Variants in MAP3K3 observed in about 807,000 individuals in gnomAD.
MAP3K3 encodes the protein mitogen-activated protein kinase kinase kinase 3.
Under a neutral mutation model 80.9 loss-of-function variants are expected in MAP3K3, and 12 were observed. The ratio of observed to expected loss-of-function variants is 0.15; its 90% CI spans 0.10 to 0.24. The LOEUF is 0.24. Ranked by LOEUF, MAP3K3 falls within the 10% of genes least tolerant of loss-of-function variation. The probability of loss-of-function intolerance (pLI) is 1.00; values close to 1 mark genes in which losing one functional copy is unlikely to be tolerated. For missense variants in MAP3K3, 596 were observed against 834.7 expected (o/e 0.71, Z 3.52); for synonymous variants, 272 against 307.1 (o/e 0.89, Z 1.19).
chr17:63,662,013 G>C (rs1450368221), intron 5 of MAP3K3, among the ~76,000 whole-genome samples: 1 of 152,076 alleles, frequency 6.6e-6, no homozygotes, highest in Non-Finnish European at 1.5e-5. Context: ...TGAGGCAGGA[G>C]AATGACATGA....
intron 4 of MAP3K3, among the ~76,000 whole-genome samples, chr17:63,653,199 A>G (rs2034695026): frequency 6.6e-6 from 1 of 152,100 alleles, no homozygotes; most frequent in South Asian, 2.1e-4. Context: ...ATTTACTTCT[A>G]CTTTGAATAT....
chr17:63,657,921 G>C lies in MAP3K3; in HGVS notation c.381+14G>C. 7.1e-7 allele frequency: 1 copy of C among 1,405,362 alleles called. No homozygotes were observed. The highest frequency in any genetic ancestry group is 1.0e-6 in the Non-Finnish European group (1 of 1,003,896). The allele number at this position is 1,405,362 out of a possible 1,614,324, so 87.1% of individuals were successfully genotyped here. ...GACAGAAACCATGTAAGTAGCCCTT[G>C]TCATGGTCTGGCAGCTGAAGACAAA... On this transcript the variant is annotated intron_variant, in intron 5 of 15. Coordinates refer to ENST00000361733, the MANE Select transcript of MAP3K3 (RefSeq NM_002401.5).
chr17:63,642,092 G>A (rs2034454804), intron 2 of MAP3K3, among the ~76,000 whole-genome samples: 1 of 152,180 alleles, frequency 6.6e-6, no homozygotes, highest in Non-Finnish European at 1.5e-5. Context: ...TTCAGATTTA[G>A]GGACTCAGAA....
chr17:63,692,136 T>C lies in MAP3K3; in HGVS notation c.1475-106T>C. The C allele has an allele frequency of 3.1e-6, 4 of 1,303,072 alleles. No individual in the cohort carries two copies. Among genetic ancestry groups the C allele is most frequent in the Non-Finnish European group, 3.3e-6 (3 of 919,868 alleles). The allele number at this position is 1,303,072 out of a possible 1,614,324, so 80.7% of individuals were successfully genotyped here. On this transcript the variant is annotated intron_variant, in intron 14 of 15. Coordinates refer to ENST00000361733, the MANE Select transcript of MAP3K3 (RefSeq NM_002401.5). This position sits in a 1 kb window ranked among gnomAD's most constrained non-coding sequence, Gnocchi z 4.5. ...CCTTTGCAGTTCATGTCTAATTCAGTGGTAGCCCTGCCCTCTCCAGCAGCT... is the reference window on the plus strand; with the variant it reads ...CCTTTGCAGTTCATGTCTAATTCAGCGGTAGCCCTGCCCTCTCCAGCAGCT...
chr17:63,663,284 C>T (rs1442367980), intron 5 of MAP3K3, among the ~76,000 whole-genome samples: 1 of 152,064 alleles, frequency 6.6e-6, no homozygotes, highest in Non-Finnish European at 1.5e-5. Flanking sequence ...AGGTGGATCC[C>T]TTGAGGTCAG....
rs1568157031 is a variant in MAP3K3, at chr17:63,691,686, A to G, written c.1345-47A>G. On this transcript the variant is annotated intron_variant, in intron 13 of 15. Coordinates refer to ENST00000361733, the MANE Select transcript of MAP3K3 (RefSeq NM_002401.5). The surrounding 1 kb of genome is among the most constrained non-coding windows in gnomAD (Gnocchi z 4.8). ...GGGGCTGGAATGGGCTTGCCCCTCCACCAGCCCTCCCCTGAGGGGACTCCT... is the reference window on the plus strand; with the variant it reads ...GGGGCTGGAATGGGCTTGCCCCTCCGCCAGCCCTCCCCTGAGGGGACTCCT... 1 of 1,592,382 alleles carries G rather than the reference A, an allele frequency of 6.3e-7. No individual in the cohort carries two copies. Among genetic ancestry groups the G allele is most frequent in the Non-Finnish European group, 8.6e-7 (1 of 1,164,834 alleles).
At chr17:63,625,736 A>G (rs916047068) in intron 1 of MAP3K3, among the ~76,000 whole-genome samples, 1 of 152,226 alleles carries the variant, frequency 6.6e-6, no homozygotes, top group South Asian at 2.1e-4. Flanking sequence ...CTATGTCATT[A>G]CTAGATTTCT....
chr17:63,650,338 G>A, intron 3 of MAP3K3, among the ~76,000 whole-genome samples: 1 of 152,218 alleles, frequency 6.6e-6, no homozygotes, highest in East Asian at 1.9e-4. Context: ...CTCTTGCTCT[G>A]TTGCCCAGGC....
At chr17:63,622,793 C>T (rs767423336) in intron 1 of MAP3K3, 30 bp downstream of exon 1, 1 of 495,372 alleles carries the variant, frequency 2.0e-6, no homozygotes, top group South Asian at 1.6e-5. Flanking sequence ...CGGCCTGTGC[C>T]CGCGCTGCTT....
chr17:63,679,212 A>G (rs994726908), intron 6 of MAP3K3, among the ~76,000 whole-genome samples: 8 of 152,132 alleles, frequency 5.3e-5, no homozygotes, highest in Non-Finnish European at 1.0e-4. Context: ...CCTGTTCCTA[A>G]AAGTGCACAC....
intron 6 of MAP3K3, among the ~76,000 whole-genome samples, chr17:63,669,270 G>A (rs1316340301): frequency 6.6e-6 from 1 of 152,170 alleles, no homozygotes; most frequent in African/African-American, 2.4e-5. Flanking sequence ...AGGGCTTTTA[G>A]ACTATGTCTG....
intron 3 of MAP3K3, 39 bp from the exon 4 acceptor site, chr17:63,652,518 G>T: frequency 7.5e-7 from 1 of 1,325,868 alleles, no homozygotes; most frequent in Non-Finnish European, 1.1e-6. Flanking sequence ...TACGTTTTAA[G>T]TATACAATTA....
intron 8 of MAP3K3, among the ~76,000 whole-genome samples, chr17:63,686,791 T>G (rs1041912556): frequency 2.6e-5 from 4 of 152,240 alleles, no homozygotes; most frequent in Admixed American, 2.6e-4. Flanking sequence ...CTTCTCATTG[T>G]GAATGACCTG....
chr17:63,638,734 G>A (rs527268764), intron 2 of MAP3K3, among the ~76,000 whole-genome samples: 4 of 152,174 alleles, frequency 2.6e-5, no homozygotes, highest in East Asian at 1.9e-4. Flanking sequence ...CTATGGTCAC[G>A]CTTCTCAGAC....
In MAP3K3 at chr17:63,688,498, A is replaced by T. The variant is rs376817593; in HGVS notation, c.711-29A>T. 949 of 1,582,534 alleles carry T rather than the reference A, an allele frequency of 6.0e-4. 4 individuals carry two copies. The highest frequency in any genetic ancestry group is 8.0e-4 in the Non-Finnish European group (918 of 1,151,412). On this transcript the variant is annotated intron_variant, in intron 8 of 15. Coordinates refer to ENST00000361733, the MANE Select transcript of MAP3K3 (RefSeq NM_002401.5). The stretch of plus-strand genomic sequence containing the variant: ...CTTGGTTGCTGTGGAAGTGTGCGGG[A>T]GTCTGTTTTTTCTTTTTGTTTTCTC...
chr17:63,679,739 C>T (rs530165210), intron 6 of MAP3K3, among the ~76,000 whole-genome samples: 2 of 152,168 alleles, frequency 1.3e-5, no homozygotes, highest in South Asian at 2.1e-4. Context: ...CTCGAAGTGT[C>T]GGGATAATAG....
intron 2 of MAP3K3, among the ~76,000 whole-genome samples, chr17:63,637,612 G>A (rs1210890991): frequency 6.6e-6 from 1 of 152,128 alleles, no homozygotes; most frequent in East Asian, 1.9e-4. Context: ...TGTGAGCTTT[G>A]GGGAAAGCTT....
In MAP3K3 at chr17:63,690,080, C is replaced by CT. The variant is rs2035552393; in HGVS notation, c.1064-183dup. On this transcript the variant is annotated intron_variant, in intron 11 of 15. Coordinates refer to ENST00000361733, the MANE Select transcript of MAP3K3 (RefSeq NM_002401.5). ...AGCCAATCCTCTGCTTCTTAGGACT[C>CT]TGACTTCAGGTCCGAGTGACTAGGG... is the stretch of plus-strand genomic sequence containing the variant. 7 of 661,492 alleles carry CT rather than the reference C, an allele frequency of 1.1e-5. No homozygotes were observed. In the South Asian group the frequency reaches 1.1e-4, roughly 11 times the overall value. 41.0% of individuals were successfully genotyped at this position (661,492 alleles called of 1,614,324 possible). A position where few individuals can be genotyped will look rare whatever the true frequency, so the allele number is the denominator to read the frequency against.
At chr17:63,623,029 C>A (rs900603365) in intron 1 of MAP3K3, among the ~76,000 whole-genome samples, 3 of 150,736 alleles carry the variant, frequency 2.0e-5, no homozygotes, top group African/African-American at 4.8e-5. Context: ...CCCGGGGAAG[C>A]GGCGGCGGGA....
Sources: allele counts gnomAD v4.1 joint callset (sites outside exome capture counted in the v4.1 genomes callset), GRCh38; gene constraint gnomAD v4.1.1; non-coding constraint Gnocchi (gnomAD v3.1); transcripts MANE v1.5; gene names NCBI Gene and HGNC (gene_info 2026-07-23, HGNC 2026-07-21).